CLU: variants seen among roughly 807,000 people sequenced by gnomAD.
CLU encodes the protein clusterin.
CLU carries 25 observed loss-of-function variants against 46.4 expected under a neutral mutation model. That is an observed-to-expected ratio of 0.54 (90% CI 0.39 to 0.75). CLU has a LOEUF of 0.75. Among genes scored for constraint, CLU ranks in the 30% least tolerant of loss-of-function variants. CLU has a pLI of 0.00. For missense variants in CLU, 504 were observed against 592.1 expected (o/e 0.85, Z 1.54); for synonymous variants, 235 against 235.1 (o/e 1.00, Z 0.00).
rs1323454753 is a variant in CLU, at chr8:27,599,599, T to C, written c.1164+181A>G. The C allele has an allele frequency of 1.5e-5, 9 of 603,678 alleles. No homozygotes were observed. The highest frequency in any genetic ancestry group is 2.7e-5 in the Non-Finnish European group (9 of 338,100). The allele number at this position is 603,678 out of a possible 1,614,324, so 37.4% of individuals were successfully genotyped here. A position where few individuals can be genotyped will look rare whatever the true frequency, so the allele number is the denominator to read the frequency against. ...AGCTGTGGAACCTCTCTTACTTTGC[T>C]CCTTTGTAAAGCAGGGTTATATTTT... On this transcript the variant is annotated intron_variant, in intron 7 of 8. Transcript: ENST00000316403. This position sits in a 1 kb window ranked among gnomAD's most constrained non-coding sequence, Gnocchi z 4.0.
rs1270339878 is a variant in CLU, at chr8:27,608,989, T to C, written c.195A>G (p.Glu65=). Reference sequence around the variant, plus strand: ...GGTTGCTGAGCAGTGTCTTGCGCTCTTCGTTTGTTTTTTCTATGAGAGTCT... The same window carrying C: ...GGTTGCTGAGCAGTGTCTTGCGCTCCTCGTTTGTTTTTTCTATGAGAGTCT... ...QIKTLIEKTN[E]ERKTLLSNLE... is the part of the protein sequence containing the mutation. Residue 65 remains glutamate, a synonymous_variant, in exon 3 of 9, where the codon GAA becomes GAG. Transcript: ENST00000316403. 1.2e-6 allele frequency: 2 copies of C among 1,614,246 alleles called. No individual in the cohort carries two copies. Among genetic ancestry groups the C allele is most frequent in the East Asian group, 2.2e-5 (1 of 44,884 alleles).
In CLU at chr8:27,605,003, C is replaced by T. The variant is rs1800791461; in HGVS notation, c.750G>A (p.Met250Ile). 6.2e-7 allele frequency: 1 copy of T among 1,613,954 alleles called. No homozygotes were observed. The highest frequency in any genetic ancestry group is 1.1e-5 in the South Asian group (1 of 91,076). The stretch of plus-strand genomic sequence containing the variant: ...CCATGGCCTGCTGAGCCTCGTGTAT[C>T]ATCTCAAGGAAGGGCTGGAACATGG... The part of the protein sequence containing the change: ...FHAMFQPFLE[M>I]IHEAQQAMDI... The change falls in exon 5 of 9, where the codon ATG (methionine) becomes ATA (isoleucine). Residue 250 changes from methionine to isoleucine, a missense_variant. Met to Ile is a conservative substitution (Grantham distance 10). This residue lies in a region of CLU where 428 missense variants were observed against 484.0 expected (regional missense o/e 0.88). Transcript: ENST00000316403.
chr8:27,613,342 C>T (rs989630888), intron 1 of CLU, among the ~76,000 whole-genome samples: 5 of 149,242 alleles, frequency 3.4e-5, no homozygotes, highest in Non-Finnish European at 5.9e-5. Context: ...GCCGAGATGG[C>T]GCTACTCTAC....
chr8:27,600,101 G>C, intron 6 of CLU, 92 bp from the exon 7 acceptor site: 1 of 973,286 alleles, frequency 1.0e-6, no homozygotes, highest in Non-Finnish European at 1.6e-6. Flanking sequence ...AGCACATGCA[G>C]CGGGAACAAA....
chr8:27,613,767 C>T (rs889664598), intron 1 of CLU: 19 of 152,314 alleles, frequency 1.2e-4, no homozygotes, highest in African/African-American at 4.3e-4. Flanking sequence ...CAAGATTGGC[C>T]ATTTCAGTTG....
chr8:27,608,984 C>T lies in CLU; in HGVS notation c.200G>A (p.Arg67His), dbSNP rs760456252. The T allele has an allele frequency of 1.4e-5, 22 of 1,614,108 alleles. No individual in the cohort carries two copies. Among genetic ancestry groups the T allele is most frequent in the African/African-American group, 1.3e-4 (10 of 74,946 alleles). The change falls in exon 3 of 9, where the codon CGC becomes CAC. Residue 67 changes from arginine to histidine, a missense_variant. Around this residue, in one of 3 missense-constraint regions of CLU, gnomAD observed 73 missense variants for 91.2 expected, o/e 0.80. Transcript: ENST00000316403. ...KTLIEKTNEE[R>H]KTLLSNLEEA... ...TTCTAGGTTGCTGAGCAGTGTCTTGCGCTCTTCGTTTGTTTTTTCTATGAG... is the reference window on the plus strand; with the variant it reads ...TTCTAGGTTGCTGAGCAGTGTCTTGTGCTCTTCGTTTGTTTTTTCTATGAG...
rs960136713 is a variant in CLU, at chr8:27,600,044, G to A, written c.935-35C>T. On this transcript the variant is annotated intron_variant, in intron 6 of 8. Transcript: ENST00000316403. ...GATGGAAGAAACGCAAGTGAGAAGT[G>A]TGAAGGGAAGGCTACAAAGGGATAG... The A allele has an allele frequency of 5.3e-6, 8 of 1,511,722 alleles. No homozygotes were observed. In the African/African-American group the frequency reaches 5.5e-5, roughly 10 times the overall value. The allele number at this position is 1,511,722 out of a possible 1,614,324, so 93.6% of individuals were successfully genotyped here. A position where few individuals can be genotyped will look rare whatever the true frequency, so the allele number is the denominator to read the frequency against.
intron 4 of CLU, 87 bp downstream of exon 4, chr8:27,606,267 C>T: frequency 6.9e-7 from 1 of 1,455,258 alleles, no homozygotes. Context: ...TAATCAATTG[C>T]ATCTGGCATG....
chr8:27,606,229 A>T (rs748445882), intron 4 of CLU, 125 bp downstream of exon 4: 167 of 1,059,980 alleles, frequency 1.6e-4, no homozygotes, highest in Non-Finnish European at 2.2e-4. Context: ...CCAATGGAGC[A>T]TGGCACTCTG....
chr8:27,608,983 G>A lies in CLU; in HGVS notation c.201C>T (p.Arg67=). The A allele has an allele frequency of 6.2e-7, 1 of 1,614,230 alleles. No individual in the cohort carries two copies. The highest frequency in any genetic ancestry group is 8.5e-7 in the Non-Finnish European group (1 of 1,180,040). Residue 67 remains arginine (R), a synonymous_variant, in exon 3 of 9, where the codon CGC becomes CGT. Transcript: ENST00000316403. ...CTTCTAGGTTGCTGAGCAGTGTCTT[G>A]CGCTCTTCGTTTGTTTTTTCTATGA... The part of the protein sequence containing the change: ...KTLIEKTNEE[R]KTLLSNLEEA...
rs1239387957 is a variant in CLU at position 27,597,242 on chromosome 8, A to G, written c.*999T>C. ...GTTTTGTTCCATTGCAGTACATCTGATGACCAGAATTCTATCAGAGAATGT... is the reference window on the plus strand; with the variant it reads ...GTTTTGTTCCATTGCAGTACATCTGGTGACCAGAATTCTATCAGAGAATGT... On this transcript the variant is annotated 3_prime_UTR_variant, in exon 9 of 9. Coordinates refer to ENST00000316403, the MANE Select transcript of CLU (RefSeq NM_001831.4). The G allele has an allele frequency of 2.2e-6, 1 of 454,306 alleles. No homozygotes were observed. The highest frequency in any genetic ancestry group is 2.3e-5 in the Admixed American group (1 of 42,576). The allele number at this position is 454,306 out of a possible 1,614,324, so 28.1% of individuals were successfully genotyped here. A position where few individuals can be genotyped will look rare whatever the true frequency, so the allele number is the denominator to read the frequency against.
chr8:27,605,385 G>T (rs1328191618), intron 4 of CLU, 50 bp from the exon 5 acceptor site: 5 of 1,591,184 alleles, frequency 3.1e-6, no homozygotes, highest in South Asian at 2.2e-5. Context: ...CAAGGCCACG[G>T]CCTCCTGGCC....
At chr8:27,611,073 A>T (rs968746130) in intron 1 of CLU, 5 of 403,618 alleles carry the variant, frequency 1.2e-5, no homozygotes, top group Non-Finnish European at 2.0e-5. Context: ...TGCAATGTGC[A>T]CCTAAACCTT....
chr8:27,613,296 G>A (rs143030328), intron 1 of CLU, among the ~76,000 whole-genome samples: 4,181 of 151,676 alleles, frequency 0.028, 191 homozygotes, highest in African/African-American at 0.095. Flanking sequence ...TGAGGCATGA[G>A]AACTGCTTGA....
At position 27,610,582 on chromosome 8, in the gene CLU, C is replaced by G. The variant is rs772962617; in HGVS notation, c.-11G>C. On this transcript the variant is annotated 5_prime_UTR_variant, in exon 2 of 9. Coordinates refer to ENST00000316403, the MANE Select transcript of CLU (RefSeq NM_001831.4). ...CAGAGTCTTCATCATGCCTCCAATT[C>G]TGGAGTCTTTGCACGCCTCTGCAGA... is the stretch of plus-strand genomic sequence containing the variant. 2.2e-5 allele frequency: 36 copies of G among 1,613,530 alleles called. No individual in the cohort carries two copies. The highest frequency in any genetic ancestry group is 3.0e-5 in the Non-Finnish European group (35 of 1,179,394).
Position 27,604,328 on chromosome 8 carries a change from C to G in CLU, c.897G>C (p.Lys299Asn). The change falls in exon 6 of 9, where the codon AAG (lysine) becomes AAC (asparagine). Residue 299 changes from lysine to asparagine, a missense_variant. Physicochemically the swap from Lys to Asn is moderately conservative, Grantham distance 94. Transcript: ENST00000316403. ...TCTCCCGGCACTTGTCACACTGGTCCTTCATCCGCAGGCAGCCCGTGGAGT... is the reference window on the plus strand; with the variant it reads ...TCTCCCGGCACTTGTCACACTGGTCGTTCATCCGCAGGCAGCCCGTGGAGT... ...RHNSTGCLRM[K>N]DQCDKCREIL... The G allele has an allele frequency of 6.2e-7, 1 of 1,614,158 alleles. No homozygotes were observed. The highest frequency in any genetic ancestry group is 1.1e-5 in the South Asian group (1 of 91,078).
At chr8:27,604,174 A>G (rs1800770837) in intron 6 of CLU, 117 bp downstream of exon 6, 3 of 801,612 alleles carry the variant, frequency 3.7e-6, no homozygotes, top group African/African-American at 1.7e-5. Flanking sequence ...AAGGCTGCAG[A>G]GCTGGAATCC....
chr8:27,598,544 A>G lies in CLU; in HGVS notation c.1256T>C (p.Val419Ala), dbSNP rs762143137. ...LFDSDPITVT[V>A]PVEVSRKNPK... ...GTTCTTCCTGGAGACTTCTACAGGG[A>G]CCGTCACAGTGATGGGATCAGAGTC... is the stretch of plus-strand genomic sequence containing the variant. The change falls in exon 8 of 9, where the codon GTC (valine) becomes GCC (alanine). Residue 419 changes from valine (V) to alanine (A), a missense_variant. By Grantham distance (64) the Val-to-Ala change is moderately conservative (BLOSUM62 0). Coordinates refer to ENST00000316403, the MANE Select transcript of CLU (RefSeq NM_001831.4). 2 of 1,614,012 alleles carry G rather than the reference A, an allele frequency of 1.2e-6. No individual in the cohort carries two copies. Among genetic ancestry groups the G allele is most frequent in the Non-Finnish European group, 1.7e-6 (2 of 1,180,032 alleles).
intron 6 of CLU, among the ~76,000 whole-genome samples, chr8:27,602,910 C>T (rs1800747192): frequency 6.6e-6 from 1 of 151,988 alleles, no homozygotes; most frequent in African/African-American, 2.4e-5. Flanking sequence ...ACTAAAAATA[C>T]AAAAATTAGC....
Sources: gnomAD v4.1 joint callset for allele counts (sites outside exome capture counted in the v4.1 genomes callset) on GRCh38, gnomAD v4.1.1 for gene constraint, gnomAD v4.1.1 regional missense constraint, Gnocchi (gnomAD v3.1) non-coding constraint, MANE v1.5 for transcripts, NCBI Gene and HGNC (gene_info 2026-07-23, HGNC 2026-07-21) for gene names.